SLC8A1: variants seen among roughly 807,000 people sequenced by gnomAD.
SLC8A1 encodes sodium/calcium exchanger 1.
SLC8A1 carries 18 observed loss-of-function variants against 68.3 expected under a neutral mutation model. The ratio of observed to expected loss-of-function variants is 0.26; its 90% confidence interval spans 0.18 to 0.39. The LOEUF is 0.39. Ranked by LOEUF, SLC8A1 falls within the 10% of genes least tolerant of loss-of-function variation. SLC8A1 has a pLI of 1.00. For missense variants in SLC8A1, 985 were observed against 1,156.7 expected (o/e 0.85, Z 2.15); for synonymous variants, 475 against 415.5 (o/e 1.14, Z -1.74).
rs1351880680 is a variant in SLC8A1, at chr2:40,100,466, G to A, written c.*14787C>T. 3 of 152,096 alleles carry A rather than the reference G, an allele frequency of 2.0e-5. No homozygotes were observed. The South Asian group carries it at 6.2e-4, about 32-fold the overall frequency. 9.4% of individuals were successfully genotyped at this position (152,096 alleles called of 1,614,324 possible). On this transcript the variant is annotated 3_prime_UTR_variant, in exon 8 of 8. Transcript: ENST00000406785. ...GGCTCCTCATTGTTTGAAATAGTCT[G>A]AGTGAAACCCTGTCAGTCTGATCCA...
chr2:40,190,420 C>T (rs1377281210), intron 2 of SLC8A1: 3 of 152,156 alleles, frequency 2.0e-5, no homozygotes, highest in Middle Eastern at 3.2e-3. Flanking sequence ...ACTCCGAATC[C>T]ACATCTGTTA....
At chr2:40,473,683 G>A (rs902914286) in intron 1 of SLC8A1, among the ~76,000 whole-genome samples, 1 of 152,200 alleles carries the variant, frequency 6.6e-6, no homozygotes, top group African/African-American at 2.4e-5. Flanking sequence ...GAAGACAAAG[G>A]ATAGTGGGCT....
intron 6 of SLC8A1, 100 bp from the exon 10 acceptor site, chr2:40,139,776 G>A (rs867596617): frequency 4.1e-5 from 49 of 1,207,364 alleles, no homozygotes; most frequent in African/African-American, 3.3e-4. Context: ...CCTCCACTCT[G>A]TGACAGGAGG....
exon 8 of SLC8A1, chr2:40,107,279 C>CAAAAAAAAAAAAAAAAAAAAAAAAAAA (rs70957143): frequency 4.5e-4 from 29 of 64,906 alleles, no homozygotes; most frequent in African/African-American, 1.6e-3. Flanking sequence ...GACTCCGTCT[C>CAAAAAAAAAAAAAAAAAAAAAAAAAAA]AAAAAAAAAA....
At chr2:40,244,593 C>G (rs746029023) in intron 2 of SLC8A1, among the ~76,000 whole-genome samples, 158 of 148,182 alleles carry the variant, frequency 1.1e-3, no homozygotes, top group Admixed American at 2.6e-3. Flanking sequence ...AAAAATGCAC[C>G]AAACCCCACA....
intron 2 of SLC8A1, among the ~76,000 whole-genome samples, chr2:40,314,858 A>T (rs911955243): frequency 3.9e-5 from 6 of 152,110 alleles, no homozygotes; most frequent in African/African-American, 1.4e-4. Flanking sequence ...TACCCTGCAA[A>T]CTTGTTAAAC....
chr2:40,379,186 T>C (rs1680911544), intron 2 of SLC8A1, among the ~76,000 whole-genome samples: 1 of 152,272 alleles, frequency 6.6e-6, no homozygotes. Context: ...CATGAATTAC[T>C]GGACCCTCTC....
At chr2:40,365,581 C>G (rs1452544630) in intron 2 of SLC8A1, among the ~76,000 whole-genome samples, 5 of 152,090 alleles carry the variant, frequency 3.3e-5, no homozygotes, top group African/African-American at 4.8e-5. Flanking sequence ...TGGAAGCTTT[C>G]TTCAGAAATA....
chr2:40,171,318 G>T (rs1050317759), intron 4 of SLC8A1, among the ~76,000 whole-genome samples: 1 of 152,166 alleles, frequency 6.6e-6, no homozygotes, highest in Non-Finnish European at 1.5e-5. Flanking sequence ...AGTCTATTAT[G>T]TGCTGAGCAT....
chr2:40,248,025 C>A (rs142679013), intron 2 of SLC8A1, among the ~76,000 whole-genome samples: 1 of 152,258 alleles, frequency 6.6e-6, no homozygotes, highest in Non-Finnish European at 1.5e-5. Flanking sequence ...TTCTGAGTCC[C>A]TTAAAACAGA....
intron 2 of SLC8A1, among the ~76,000 whole-genome samples, chr2:40,340,658 A>C (rs948997942): frequency 6.6e-6 from 1 of 152,228 alleles, no homozygotes; most frequent in Non-Finnish European, 1.5e-5. Flanking sequence ...TTTTTGATAC[A>C]GAACTCTCTT....
At chr2:40,214,221 A>C (rs547717761) in intron 2 of SLC8A1, among the ~76,000 whole-genome samples, 188 of 152,276 alleles carry the variant, frequency 1.2e-3, no homozygotes, top group African/African-American at 4.4e-3. Flanking sequence ...AAAAGGAATT[A>C]TAGCCTCTTC....
intron 2 of SLC8A1, among the ~76,000 whole-genome samples, chr2:40,395,813 G>C (rs1053416292): frequency 1.3e-5 from 2 of 152,130 alleles, no homozygotes; most frequent in African/African-American, 4.8e-5. Flanking sequence ...TTAGAACACA[G>C]CTGACACAGG....
intron 2 of SLC8A1, among the ~76,000 whole-genome samples, chr2:40,234,788 T>C (rs1325513339): frequency 6.6e-6 from 1 of 152,300 alleles, no homozygotes; most frequent in East Asian, 1.9e-4. Context: ...ATACCTAATT[T>C]ATTGAGAGTT....
intron 1 of SLC8A1, among the ~76,000 whole-genome samples, chr2:40,473,275 T>C (rs34205507): frequency 0.037 from 5,669 of 152,270 alleles, 305 homozygotes; most frequent in East Asian, 0.28. Flanking sequence ...ACTTATTTGG[T>C]ATGATTCCAG....
At chr2:40,365,155 A>C (rs1056116591) in intron 2 of SLC8A1, among the ~76,000 whole-genome samples, 5 of 151,816 alleles carry the variant, frequency 3.3e-5, no homozygotes, top group African/African-American at 1.2e-4. Context: ...CCTTATTTGA[A>C]CCTCTGAAAA....
intron 2 of SLC8A1, among the ~76,000 whole-genome samples, chr2:40,203,347 C>G (rs2054773452): frequency 6.6e-6 from 1 of 151,938 alleles, no homozygotes; most frequent in African/African-American, 2.4e-5. Context: ...AGCTAAAGAA[C>G]TTTGTTGTGA....
At chr2:40,194,074 A>G (rs1029142306) in intron 2 of SLC8A1, among the ~76,000 whole-genome samples, 1 of 152,140 alleles carries the variant, frequency 6.6e-6, no homozygotes, top group South Asian at 2.1e-4. Flanking sequence ...TAAAATACGA[A>G]TTCTGCTAGA....
chr2:40,246,722 T>G (rs1018852882), intron 2 of SLC8A1, among the ~76,000 whole-genome samples: 7 of 152,204 alleles, frequency 4.6e-5, no homozygotes, highest in Non-Finnish European at 1.0e-4. Flanking sequence ...TTGATATGCT[T>G]TCAGACTCAG....
Sources: gnomAD v4.1 joint callset for allele counts (sites outside exome capture counted in the v4.1 genomes callset) on GRCh38, gnomAD v4.1.1 for gene constraint, MANE v1.5 for transcripts, NCBI Gene and HGNC (gene_info 2026-07-23, HGNC 2026-07-21) for gene names.